Variants in TRPS1 observed in about 807,000 individuals in gnomAD.
The protein encoded by TRPS1 is transcriptional repressor GATA binding 1.
TRPS1 carries 6 observed loss-of-function variants against 101.2 expected under a neutral mutation model. The ratio of observed to expected loss-of-function variants is 0.06; its 90% confidence interval spans 0.03 to 0.12. The LOEUF is 0.12. Ranked by LOEUF, TRPS1 falls within the 10% of genes least tolerant of loss-of-function variation. TRPS1 has a pLI of 1.00. For missense variants in TRPS1, 1,363 were observed against 1,567.0 expected, an observed-to-expected ratio of 0.87 and a Z score of 2.20; for synonymous variants, 578 against 589.8, an observed-to-expected ratio of 0.98 and a Z score of 0.29.
At chr8:115,544,930 T>A (rs992268300) in intron 5 of TRPS1, among the ~76,000 whole-genome samples, 3 of 152,106 alleles carry the variant, frequency 2.0e-5, no homozygotes, top group Admixed American at 1.3e-4. Flanking sequence ...TCTTTTAATA[T>A]TTTTTCTAAA....
At chr8:115,595,519 C>G (rs971808406) in intron 4 of TRPS1, among the ~76,000 whole-genome samples, 3 of 151,820 alleles carry the variant, frequency 2.0e-5, no homozygotes, top group Non-Finnish European at 4.4e-5. Context: ...AGGATTTGCT[C>G]AGTAATAGTA....
intron 4 of TRPS1, among the ~76,000 whole-genome samples, chr8:115,594,665 A>G (rs1398463162): frequency 2.6e-5 from 4 of 151,992 alleles, no homozygotes; most frequent in Non-Finnish European, 5.9e-5. Context: ...ATAAAAAAGC[A>G]TTTGTTTTTT....
rs373207951 is a variant in TRPS1, at chr8:115,495,761, T to C, written c.2701-77309A>G. The stretch of plus-strand genomic sequence containing the variant: ...AACTAAAAGGCCATAGGAAAACACA[T>C]GGAATTAACCAGAGGATCAGGTTAC... On this transcript the variant is annotated intron_variant, in intron 5 of 6. Transcript: ENST00000395715. Among the ~76,000 whole-genome samples the C allele has an allele frequency of 1.3e-4, 20 of 152,180 alleles. No individual in the cohort carries two copies. The East Asian group carries it at 1.4e-3, about 10-fold the overall frequency.
At chr8:115,584,792 A>G (rs1053564980) in intron 5 of TRPS1, among the ~76,000 whole-genome samples, 6 of 152,104 alleles carry the variant, frequency 3.9e-5, no homozygotes, top group African/African-American at 1.2e-4. Context: ...AAAGCTCATC[A>G]TCTAAGATAT....
intron 5 of TRPS1, among the ~76,000 whole-genome samples, chr8:115,468,020 A>G (rs1814370566): frequency 6.6e-6 from 1 of 152,196 alleles, no homozygotes; most frequent in African/African-American, 2.4e-5. Flanking sequence ...GAAATTCCCC[A>G]TGAAGATTCC....
At chr8:115,535,229 T>A in intron 5 of TRPS1, among the ~76,000 whole-genome samples, 1 of 78,740 alleles carries the variant, frequency 1.3e-5, no homozygotes, top group South Asian at 4.2e-4. Context: ...ATAGCATATA[T>A]ATATAGCATA....
rs1389656235 is a variant in TRPS1 at position 115,414,255 on chromosome 8, A to C, written c.3653T>G (p.Val1218Gly). ...GPLNVVKTEK[V>G]DRSTQDELST... ...AAGTTCATCTTGAGTACTTCTATCAACTTTCTCTGTTTTTACTACATTCAA... is the reference window on the plus strand; with the variant it reads ...AAGTTCATCTTGAGTACTTCTATCACCTTTCTCTGTTTTTACTACATTCAA... Residue 1218 changes from valine (V) to glycine (G), a missense_variant, in exon 7 of 7, where the codon GTT becomes GGT. Around this residue, in one of 5 missense-constraint regions of TRPS1, gnomAD observed 307 missense variants for 392.4 expected, o/e 0.78. Transcript: ENST00000395715. The surrounding 1 kb of genome is among the most constrained non-coding windows in gnomAD (Gnocchi z 4.8). 1 of 1,613,932 alleles carries C rather than the reference A, an allele frequency of 6.2e-7. No individual in the cohort carries two copies. The highest frequency in any genetic ancestry group is 8.5e-7 in the Non-Finnish European group (1 of 1,179,954).
Position 115,619,200 on chromosome 8 carries a change from A to T in TRPS1, c.898T>A (p.Phe300Ile). ...TTGATGTCCTGCAGCACACCAGAAA[A>T]CACAGAACGGTTGACCTTCTGGAAG... ...KDFQKVNRSV[F>I]SGVLQDINSS... The change falls in exon 3 of 7, where the codon TTT becomes ATT. Residue 300 changes from phenylalanine (F) to isoleucine (I), a missense_variant. By Grantham distance (21) the Phe-to-Ile change is conservative. Coordinates refer to ENST00000395715, the MANE Select transcript of TRPS1 (RefSeq NM_014112.5). 6.2e-7 allele frequency: 1 copy of T among 1,614,172 alleles called. No homozygotes were observed. The highest frequency in any genetic ancestry group is 8.5e-7 in the Non-Finnish European group (1 of 1,180,026).
intron 1 of TRPS1, among the ~76,000 whole-genome samples, chr8:115,632,402 T>C (rs191587614): frequency 1.3e-5 from 2 of 152,130 alleles, no homozygotes; most frequent in Non-Finnish European, 2.9e-5. Context: ...GCCTCAAACA[T>C]CTGGATTAGA....
Position 115,476,225 on chromosome 8 carries a change from T to C in TRPS1, c.2701-57773A>G, listed in dbSNP as rs1212533740. Among the ~76,000 whole-genome samples the C allele has an allele frequency of 7.7e-5, 2 of 26,022 alleles. 1 individual carries two copies. Among genetic ancestry groups the C allele is most frequent in the Non-Finnish European group, 1.1e-4 (2 of 18,090 alleles). 17.1% of individuals were successfully genotyped at this position (26,022 alleles called of 152,430 possible). A position where few individuals can be genotyped will look rare whatever the true frequency, so the allele number is the denominator to read the frequency against. On this transcript the variant is annotated intron_variant, in intron 5 of 6. Coordinates refer to ENST00000395715, the MANE Select transcript of TRPS1 (RefSeq NM_014112.5). ...TAGTAGAGACGGGGTTTCACCGTTT[T>C]AGCCGGGATGGTCTCGATCTCCTGA...
intron 5 of TRPS1, among the ~76,000 whole-genome samples, chr8:115,551,077 C>T (rs1337334484): frequency 6.6e-6 from 1 of 152,112 alleles, no homozygotes; most frequent in East Asian, 1.9e-4. Flanking sequence ...AGCCAAAGTG[C>T]ACAGGATAAA....
intron 1 of TRPS1, among the ~76,000 whole-genome samples, chr8:115,628,552 T>A (rs1183235781): frequency 6.6e-6 from 1 of 151,690 alleles, no homozygotes; most frequent in Non-Finnish European, 1.5e-5. Context: ...CATAATAAAA[T>A]TAAATAACTT....
chr8:115,524,319 CTTTTTTT>C (rs139406462), intron 5 of TRPS1, among the ~76,000 whole-genome samples: 5 of 70,728 alleles, frequency 7.1e-5, no homozygotes, highest in Non-Finnish European at 1.2e-4. Context: ...CTTCTTCTTC[CTTTTTTT>C]TTTTTTTTTT....
At chr8:115,502,412 T>C (rs1815340430) in intron 5 of TRPS1, among the ~76,000 whole-genome samples, 2 of 152,158 alleles carry the variant, frequency 1.3e-5, no homozygotes, top group African/African-American at 4.8e-5. Flanking sequence ...CCTCCCCTTA[T>C]TTCTTTGATG....
intron 1 of TRPS1, among the ~76,000 whole-genome samples, chr8:115,655,465 A>G (rs1294610621): frequency 6.6e-6 from 1 of 152,016 alleles, no homozygotes; most frequent in African/African-American, 2.4e-5. Context: ...CAGAACTAAG[A>G]GAGTCATCTC....
At chr8:115,421,025 C>T (rs938588158) in intron 5 of TRPS1, among the ~76,000 whole-genome samples, 3 of 151,498 alleles carry the variant, frequency 2.0e-5, no homozygotes, top group African/African-American at 7.3e-5. Flanking sequence ...CTCACTCACC[C>T]AGGCTGGAGT....
At chr8:115,494,940 C>T (rs888258121) in intron 5 of TRPS1, among the ~76,000 whole-genome samples, 1 of 152,118 alleles carries the variant, frequency 6.6e-6, no homozygotes. Context: ...GGAACTTCCT[C>T]CCTGCTCAGA....
At chr8:115,544,793 G>A (rs190768903) in intron 5 of TRPS1, among the ~76,000 whole-genome samples, 1 of 152,018 alleles carries the variant, frequency 6.6e-6, no homozygotes, top group Admixed American at 6.6e-5. Context: ...TTTTGCTTTT[G>A]TGAAATTCTG....
intron 5 of TRPS1, among the ~76,000 whole-genome samples, chr8:115,433,329 T>A (rs1318816499): frequency 6.6e-6 from 1 of 151,690 alleles, no homozygotes; most frequent in Non-Finnish European, 1.5e-5. Flanking sequence ...AAGGGAAAAA[T>A]TCTCTAAGTT....
Sources: gnomAD v4.1 joint callset for allele counts (sites outside exome capture counted in the v4.1 genomes callset) on GRCh38, gnomAD v4.1.1 for gene constraint, gnomAD v4.1.1 regional missense constraint, Gnocchi (gnomAD v3.1) non-coding constraint, MANE v1.5 for transcripts, NCBI Gene and HGNC (gene_info 2026-07-23, HGNC 2026-07-21) for gene names.